The following SLC39A12 variants were observed in gnomAD, a reference collection of about 807,000 sequenced individuals.
The protein encoded by SLC39A12 is solute carrier family 39 member 12, also known as zinc transporter ZIP12.
SLC39A12 carries 63 observed loss-of-function variants against 71.1 expected under a neutral mutation model. The ratio of observed to expected loss-of-function variants is 0.89; its 90% CI spans 0.72 to 1.09. SLC39A12 has a LOEUF of 1.09. Ranked by LOEUF, SLC39A12 falls within the 50% of genes least tolerant of loss-of-function variation. The pLI is 0.00. For synonymous variants in SLC39A12, 351 were observed against 301.3 expected, an observed-to-expected ratio of 1.16 and a Z score of -1.71; for missense variants, 892 against 812.6, an observed-to-expected ratio of 1.10 and a Z score of -1.19.
chr10:17,973,322 A>G (rs781467197), intron 4 of SLC39A12, among the ~76,000 whole-genome samples: 4 of 152,148 alleles, frequency 2.6e-5, no homozygotes, highest in African/African-American at 4.8e-5. Context: ...CTGTGTAATT[A>G]CTAGTGAGTT....
intron 12 of SLC39A12, among the ~76,000 whole-genome samples, chr10:18,033,165 A>G (rs1398294310): frequency 4.3e-5 from 6 of 139,424 alleles, no homozygotes; most frequent in Non-Finnish European, 7.7e-5. Context: ...CTGGCCTCAT[A>G]AAATGAGTTA....
At chr10:17,996,790 G>T (rs950876649) in intron 10 of SLC39A12, among the ~76,000 whole-genome samples, 2 of 152,038 alleles carry the variant, frequency 1.3e-5, no homozygotes, top group Non-Finnish European at 2.9e-5. Context: ...GAGGTCAGGA[G>T]ATCGAGACCA....
intron 11 of SLC39A12, 42 bp from the exon 12 acceptor site, chr10:18,003,129 C>T (rs1369375025): frequency 1.3e-6 from 2 of 1,577,798 alleles, no homozygotes; most frequent in East Asian, 2.2e-5. Flanking sequence ...AGGCGTCTTC[C>T]ATTAAATGAT....
chr10:18,038,018 C>CAAAAAAAAAAAAAAA (rs763211521), intron 12 of SLC39A12, among the ~76,000 whole-genome samples: 1 of 14,950 alleles, frequency 6.7e-5, no homozygotes, highest in African/African-American at 2.3e-4. Flanking sequence ...GCCTCCATCT[C>CAAAAAAAAAAAAAAA]AAAAAAAAAA....
chr10:18,042,458 C>CAA (rs1486442685), intron 12 of SLC39A12, among the ~76,000 whole-genome samples: 107 of 30,600 alleles, frequency 3.5e-3, no homozygotes, highest in East Asian at 0.024. Context: ...GACCCTGCCT[C>CAA]AAAAGAAAAA....
At chr10:17,983,377 A>G (rs1005099440) in intron 6 of SLC39A12, among the ~76,000 whole-genome samples, 1 of 151,984 alleles carries the variant, frequency 6.6e-6, no homozygotes, top group Admixed American at 6.6e-5. Flanking sequence ...GGTCTCAGAT[A>G]CTTGGGGGGC....
At chr10:18,038,965 T>G (rs1434199815) in intron 12 of SLC39A12, among the ~76,000 whole-genome samples, 5 of 152,148 alleles carry the variant, frequency 3.3e-5, no homozygotes, top group African/African-American at 1.2e-4. Context: ...ACCAGAACCA[T>G]TTTTACTACC....
chr10:18,042,553 A>T, intron 12 of SLC39A12, 152 bp from the exon 13 acceptor site: 1 of 587,722 alleles, frequency 1.7e-6, no homozygotes, highest in Non-Finnish European at 2.6e-6. Flanking sequence ...TTTCAAAGAC[A>T]TGGTAGAGTA....
At chr10:18,020,404 C>G (rs1836501968) in intron 12 of SLC39A12, among the ~76,000 whole-genome samples, 1 of 151,922 alleles carries the variant, frequency 6.6e-6, no homozygotes. Flanking sequence ...GTCTTTGATA[C>G]TGTGTATAGT....
intron 12 of SLC39A12, among the ~76,000 whole-genome samples, chr10:18,034,960 A>G (rs1256307985): frequency 3.3e-5 from 5 of 151,910 alleles, no homozygotes; most frequent in Non-Finnish European, 7.4e-5. Context: ...GTCTTTAAGA[A>G]TGTTGAATAT....
chr10:17,993,344 T>A, intron 9 of SLC39A12, 53 bp downstream of exon 9: 1 of 1,185,436 alleles, frequency 8.4e-7, no homozygotes, highest in Non-Finnish European at 1.2e-6. Context: ...CTCTCCTTTA[T>A]TCCTCAATGA....
intron 4 of SLC39A12, among the ~76,000 whole-genome samples, chr10:17,971,587 G>T (rs1298223839): frequency 6.6e-6 from 1 of 151,704 alleles, no homozygotes; most frequent in African/African-American, 2.4e-5. Context: ...CTAGGAATTT[G>T]TCCATTTCTT....
In SLC39A12 at chr10:18,013,774, T is replaced by C. The variant is rs548747042; in HGVS notation, c.1947+10416T>C. Among the ~76,000 whole-genome samples the C allele has an allele frequency of 2.6e-5, 4 of 152,286 alleles. No homozygotes were observed. In the South Asian group the frequency reaches 8.3e-4, roughly 32 times the overall value. ...GGCACCCTTGTTGAAAATCAATTGATCACGTGTGCAAGACTTTGTTTCTGG... is the reference window on the plus strand; with the variant it reads ...GGCACCCTTGTTGAAAATCAATTGACCACGTGTGCAAGACTTTGTTTCTGG... On this transcript the variant is annotated intron_variant, in intron 12 of 12. Transcript: ENST00000377369.
At chr10:18,035,959 C>T (rs1308739270) in intron 12 of SLC39A12, among the ~76,000 whole-genome samples, 3 of 152,124 alleles carry the variant, frequency 2.0e-5, no homozygotes, top group South Asian at 2.1e-4. Flanking sequence ...TTAGGCTGCT[C>T]GGGGGTCAGG....
chr10:17,954,347 G>T (rs1554847533), intron 2 of SLC39A12, among the ~76,000 whole-genome samples: 1 of 152,122 alleles, frequency 6.6e-6, no homozygotes, highest in African/African-American at 2.4e-5. Context: ...TCCACCTCGT[G>T]GGTGCAAGTG....
chr10:18,007,573 TG>T (rs1279167491), intron 12 of SLC39A12, among the ~76,000 whole-genome samples: 2 of 152,178 alleles, frequency 1.3e-5, no homozygotes, highest in Non-Finnish European at 2.9e-5. Context: ...GATAAAAGAA[TG>T]GCTACTCCAT....
chr10:18,040,786 A>T lies in SLC39A12; in HGVS notation c.1948-1919A>T, dbSNP rs1589264176. Among the ~76,000 whole-genome samples the T allele has an allele frequency of 5.9e-5, 9 of 151,514 alleles. No homozygotes were observed. In the South Asian group the frequency reaches 1.7e-3, roughly 28 times the overall value. Reference sequence around the variant, plus strand: ...CTCCATCTCAAAAAAAAAAAAAAAAAGTGTCAAGCCATTTTCTATTGCCAT... The same window carrying T: ...CTCCATCTCAAAAAAAAAAAAAAAATGTGTCAAGCCATTTTCTATTGCCAT... On this transcript the variant is annotated intron_variant, in intron 12 of 12. Transcript: ENST00000377369.
rs781708942 is a variant in SLC39A12 at position 17,981,297 on chromosome 10, GT to G, written c.925-11del. 39 of 1,587,584 alleles carry G rather than the reference GT, an allele frequency of 2.5e-5. No individual in the cohort carries two copies. The highest frequency in any genetic ancestry group is 3.3e-5 in the Non-Finnish European group (39 of 1,164,584). ...ATGCTGAGATTAGTAACAATGTTAT[GT>G]TTTCCTCACACAGACCTGCTTCTCT... On this transcript the variant is annotated splice_polypyrimidine_tract_variant and intron_variant, in intron 5 of 12. Transcript: ENST00000377369.
At chr10:17,963,376 G>A (rs944138770) in intron 3 of SLC39A12, among the ~76,000 whole-genome samples, 1 of 152,120 alleles carries the variant, frequency 6.6e-6, no homozygotes, top group African/African-American at 2.4e-5. Context: ...AAGGTGATGT[G>A]GTGTGTATTT....
Sources: gnomAD v4.1 joint callset for allele counts (sites outside exome capture counted in the v4.1 genomes callset) on GRCh38, gnomAD v4.1.1 for gene constraint, MANE v1.5 for transcripts, NCBI Gene and HGNC (gene_info 2026-07-23, HGNC 2026-07-21) for gene names.